The following IQCB1 variants were observed in gnomAD, a reference collection of about 807,000 sequenced individuals.
The protein encoded by IQCB1 is IQ calmodulin-binding motif-containing protein 1.
Under a neutral mutation model 84.4 loss-of-function variants are expected in IQCB1, and 56 were observed. The ratio of observed to expected loss-of-function variants is 0.66; its 90% CI spans 0.54 to 0.83. The LOEUF is 0.83. Ranked by LOEUF, IQCB1 falls within the 40% of genes least tolerant of loss-of-function variation. The probability of loss-of-function intolerance (pLI) is 0.00; values close to 1 mark genes in which losing one functional copy is unlikely to be tolerated. For missense variants in IQCB1, 629 were observed against 682.1 expected (o/e 0.92, Z 0.87); for synonymous variants, 210 against 234.8 (o/e 0.89, Z 0.96).
intron 2 of IQCB1, among the ~76,000 whole-genome samples, chr3:121,833,498 T>TTACGGTAAATCATA (rs1441218339): frequency 6.6e-6 from 1 of 152,196 alleles, no homozygotes; most frequent in Non-Finnish European, 1.5e-5. Flanking sequence ...TAATAAAACA[T>TTACGGTAAATCATA]CACTAAATCA....
intron 5 of IQCB1, among the ~76,000 whole-genome samples, chr3:121,816,829 A>G (rs370978971): frequency 6.6e-6 from 1 of 152,186 alleles, no homozygotes; most frequent in Non-Finnish European, 1.5e-5. Flanking sequence ...TGTAAGTTCA[A>G]CCACTGTGGA....
chr3:121,784,076 T>C (rs1948611544), intron 12 of IQCB1, among the ~76,000 whole-genome samples: 1 of 152,208 alleles, frequency 6.6e-6, no homozygotes, highest in Non-Finnish European at 1.5e-5. Flanking sequence ...ATTCATGACA[T>C]TCACTTCTTG....
In IQCB1 at chr3:121,778,507, T is replaced by C. The variant is rs566541445; in HGVS notation, c.1410+3236A>G. On this transcript the variant is annotated intron_variant, in intron 13 of 14. Transcript: ENST00000310864. ...TGCAAGTGTACTGGTGATCAAGTCT[T>C]TCAGCTTTTGTATGTCTGAAAAAGT... Among the ~76,000 whole-genome samples, 3 of 151,428 alleles carry C rather than the reference T, an allele frequency of 2.0e-5. No individual in the cohort carries two copies. The Admixed American group carries it at 2.0e-4, about 10-fold the overall frequency.
At chr3:121,833,745 C>T (rs1252702243) in intron 2 of IQCB1, among the ~76,000 whole-genome samples, 1 of 152,192 alleles carries the variant, frequency 6.6e-6, no homozygotes, top group Admixed American at 6.5e-5. Flanking sequence ...CTGGGCTTCT[C>T]TGAACCATTT....
intron 13 of IQCB1, among the ~76,000 whole-genome samples, chr3:121,777,447 T>C (rs1404761938): frequency 1.3e-5 from 2 of 152,216 alleles, no homozygotes; most frequent in Non-Finnish European, 2.9e-5. Context: ...AGTTTTTGTA[T>C]ATGTAAACAT....
chr3:121,818,933 G>A (rs1311461445), intron 5 of IQCB1, among the ~76,000 whole-genome samples: 2 of 151,346 alleles, frequency 1.3e-5, no homozygotes, highest in African/African-American at 2.4e-5. Flanking sequence ...ACTTTTAAAA[G>A]CGCCTTTCAA....
chr3:121,810,240 G>A (rs1949773375), intron 5 of IQCB1, among the ~76,000 whole-genome samples: 1 of 152,210 alleles, frequency 6.6e-6, no homozygotes, highest in Non-Finnish European at 1.5e-5. Flanking sequence ...TGTATTTTAG[G>A]TCAGAACGTG....
intron 12 of IQCB1, among the ~76,000 whole-genome samples, chr3:121,787,349 C>T (rs942294393): frequency 1.3e-5 from 2 of 152,122 alleles, no homozygotes; most frequent in East Asian, 1.9e-4. Flanking sequence ...AAGAGAACAA[C>T]GGGATGTTAG....
In IQCB1 at chr3:121,808,987, A is replaced by G. The variant is rs763208539; in HGVS notation, c.416T>C (p.Leu139Pro). 3.7e-6 allele frequency: 6 copies of G among 1,606,968 alleles called. No individual in the cohort carries two copies. Among genetic ancestry groups the G allele is most frequent in the Admixed American group, 1.7e-5 (1 of 59,878 alleles). Residue 139 changes from leucine to proline, a missense_variant, in exon 6 of 15, where the codon CTA (leucine) becomes CCA (proline). Leu to Pro is a moderately conservative substitution (Grantham distance 98). Coordinates refer to ENST00000310864, the MANE Select transcript of IQCB1 (RefSeq NM_001023570.4). ...ATCAGTCACAATTTGGAAAAAGTGT[A>G]GTAATTCATCTTTTTCTTCAGCCTT... ...AAKAEEKDEL[L>P]HFFQIVTDSL...
At chr3:121,832,114 T>A (rs981507266) in intron 2 of IQCB1, among the ~76,000 whole-genome samples, 10 of 152,182 alleles carry the variant, frequency 6.6e-5, no homozygotes, top group African/African-American at 2.4e-4. Context: ...TTATTAGGGA[T>A]GTCAGGCACA....
chr3:121,787,689 T>G (rs961925974), intron 12 of IQCB1, among the ~76,000 whole-genome samples: 1 of 151,408 alleles, frequency 6.6e-6, no homozygotes, highest in Non-Finnish European at 1.5e-5. Context: ...AGGCGGAGGT[T>G]GTAGTGAGCC....
At chr3:121,780,792 C>T (rs1392265460) in intron 13 of IQCB1, among the ~76,000 whole-genome samples, 1 of 152,178 alleles carries the variant, frequency 6.6e-6, no homozygotes, top group Non-Finnish European at 1.5e-5. Context: ...CTAAATATCA[C>T]ATCAAGCCTC....
chr3:121,810,421 G>GCCAATTAATTCTTGGAT (rs1382497187), intron 5 of IQCB1, among the ~76,000 whole-genome samples: 3 of 151,840 alleles, frequency 2.0e-5, no homozygotes, highest in African/African-American at 4.8e-5. Flanking sequence ...TTTTTCTGTA[G>GCCAATTAATTCTTGGAT]CCAATTAATT....
At chr3:121,796,135 G>GATTTTGTTACCT (rs1180921107) in intron 9 of IQCB1, among the ~76,000 whole-genome samples, 17 of 152,114 alleles carry the variant, frequency 1.1e-4, no homozygotes, top group African/African-American at 4.1e-4. Context: ...ATAGTTTTAT[G>GATTTTGTTACCT]ATTTTGTTAC....
intron 5 of IQCB1, among the ~76,000 whole-genome samples, chr3:121,818,845 G>A (rs1004724810): frequency 1.3e-5 from 2 of 152,164 alleles, no homozygotes; most frequent in African/African-American, 2.4e-5. Flanking sequence ...TAGGCATTCA[G>A]ACAAAGCTTA....
chr3:121,778,856 G>A (rs1047976825), intron 13 of IQCB1, among the ~76,000 whole-genome samples: 4 of 147,892 alleles, frequency 2.7e-5, no homozygotes, highest in African/African-American at 1.0e-4. Flanking sequence ...CAGAGATTGC[G>A]CCACTGCACT....
At chr3:121,828,215 T>C (rs754455491) in intron 4 of IQCB1, among the ~76,000 whole-genome samples, 20 of 152,118 alleles carry the variant, frequency 1.3e-4, no homozygotes, top group Non-Finnish European at 2.5e-4. Context: ...AAAAGTATAT[T>C]AGGCACTTGG....
chr3:121,810,297 C>T (rs1359321899), intron 5 of IQCB1, among the ~76,000 whole-genome samples: 1 of 152,116 alleles, frequency 6.6e-6, no homozygotes, highest in African/African-American at 2.4e-5. Flanking sequence ...CTAATTAAAA[C>T]AAAAATCTGA....
At chr3:121,786,574 TTAA>T (rs1164498721) in intron 12 of IQCB1, among the ~76,000 whole-genome samples, 1 of 152,176 alleles carries the variant, frequency 6.6e-6, no homozygotes, top group Admixed American at 6.5e-5. Context: ...CTTATTTTTA[TTAA>T]TGAGATGCAA....
Sources: gnomAD v4.1 joint callset for allele counts (sites outside exome capture counted in the v4.1 genomes callset) on GRCh38, gnomAD v4.1.1 for gene constraint, MANE v1.5 for transcripts, NCBI Gene and HGNC (gene_info 2026-07-23, HGNC 2026-07-21) for gene names.